The following PCDH11Y variants were observed in gnomAD, a reference collection of about 807,000 sequenced individuals.
PCDH11Y encodes the protein protocadherin 11 Y-linked.
For synonymous variants in PCDH11Y, 9 were observed against 83.6 expected, an observed-to-expected ratio of 0.11 and a Z score of 4.87; for missense variants, 12 against 224.8, an observed-to-expected ratio of 0.05 and a Z score of 6.05.
chrY:5,208,201 C>G, intron 2 of PCDH11Y: 2 of 101,807 alleles, frequency 2.0e-5, no homozygotes, highest in Admixed American at 3.1e-4. Flanking sequence ...TCTCAGGAGA[C>G]CCATTCACTG....
intron 2 of PCDH11Y, among the ~76,000 whole-genome samples, chrY:5,118,624 T>C (rs1602870954): frequency 6.4e-5 from 1 of 15,528 alleles, no homozygotes; most frequent in East Asian, 1.7e-3. Context: ...CTTTATGAGA[T>C]TTATTGTTTT....
At chrY:5,170,298 C>T in intron 2 of PCDH11Y, among the ~76,000 whole-genome samples, 3 of 28,127 alleles carry the variant, frequency 1.1e-4, no homozygotes, top group Non-Finnish European at 2.5e-4. Flanking sequence ...CAAAATTCGT[C>T]CATACTTATA....
chrY:5,131,255 A>G, intron 2 of PCDH11Y, among the ~76,000 whole-genome samples: 1 of 33,053 alleles, frequency 3.0e-5, no homozygotes, highest in South Asian at 7.0e-4. Flanking sequence ...TGTATCCATT[A>G]AAGTGGAGTC....
chrY:5,346,671 A>C, intron 2 of PCDH11Y, among the ~76,000 whole-genome samples: 2 of 31,748 alleles, frequency 6.3e-5, no homozygotes, highest in Non-Finnish European at 1.5e-4. Flanking sequence ...TAATTTTTGC[A>C]TTTTTGGTAG....
Position 5,661,121 on chromosome Y carries a change from C to T in PCDH11Y, c.3353-76151C>T. Among the ~76,000 whole-genome samples, 3 of 32,031 alleles carry T rather than the reference C, an allele frequency of 9.4e-5. No homozygotes were observed. The East Asian group carries it at 2.5e-3, about 26-fold the overall frequency. The allele number at this position is 32,031 out of a possible 37,273, so 85.9% of individuals were successfully genotyped here. A position where few individuals can be genotyped will look rare whatever the true frequency, so the allele number is the denominator to read the frequency against. On this transcript the variant is annotated intron_variant, in intron 4 of 4. Transcript: ENST00000400457. Reference sequence around the variant, plus strand: ...GGTGGAGGTTGCAGTGAGCCAAGATCGTGCCACTGCACTCCAGCCTGGGTG... The same window carrying T: ...GGTGGAGGTTGCAGTGAGCCAAGATTGTGCCACTGCACTCCAGCCTGGGTG...
chrY:5,627,488 G>A (rs2053508516), intron 4 of PCDH11Y, among the ~76,000 whole-genome samples: 2 of 26,950 alleles, frequency 7.4e-5, no homozygotes, highest in African/African-American at 3.0e-4. Flanking sequence ...TGCAACCTCT[G>A]CCTCCTGGGT....
At chrY:5,580,331 C>T in intron 3 of PCDH11Y, among the ~76,000 whole-genome samples, 1 of 31,222 alleles carries the variant, frequency 3.2e-5, no homozygotes, top group South Asian at 7.0e-4. Flanking sequence ...CTCTAGACAA[C>T]ACTGAAATTG....
intron 4 of PCDH11Y, among the ~76,000 whole-genome samples, chrY:5,676,704 T>A (rs1602958860): frequency 3.1e-5 from 1 of 32,631 alleles, no homozygotes; most frequent in Non-Finnish European, 7.5e-5. Flanking sequence ...ACCCAAGAAA[T>A]TTTTTTTCTC....
At chrY:5,670,033 A>G (rs2053547771) in intron 4 of PCDH11Y, among the ~76,000 whole-genome samples, 1 of 30,629 alleles carries the variant, frequency 3.3e-5, no homozygotes, top group Non-Finnish European at 8.0e-5. Flanking sequence ...TGATTTTTAG[A>G]TCCCACAAAT....
chrY:5,454,415 G>A, intron 2 of PCDH11Y, among the ~76,000 whole-genome samples: 1 of 33,182 alleles, frequency 3.0e-5, no homozygotes, highest in Non-Finnish European at 7.5e-5. Flanking sequence ...TGAGCTCTCA[G>A]TGGATGACAG....
chrY:5,109,637 G>C, downstream of PCDH11Y, among the ~76,000 whole-genome samples: 1 of 32,646 alleles, frequency 3.1e-5, no homozygotes, highest in Admixed American at 2.8e-4. Flanking sequence ...TTAGTTGATA[G>C]TGTAATACAG....
chrY:5,484,867 A>G (rs2124686187), intron 2 of PCDH11Y, among the ~76,000 whole-genome samples: 2 of 33,343 alleles, frequency 6.0e-5, no homozygotes, highest in African/African-American at 2.3e-4. Flanking sequence ...GTGACTAAGA[A>G]GATAAGGTTG....
chrY:5,371,748 A>G (rs2124673192), intron 2 of PCDH11Y, among the ~76,000 whole-genome samples: 1 of 32,141 alleles, frequency 3.1e-5, no homozygotes, highest in Admixed American at 2.9e-4. Context: ...AAATGCAAAC[A>G]TTAGCCAGGT....
At chrY:5,687,518 G>T (rs2053564467) in intron 4 of PCDH11Y, among the ~76,000 whole-genome samples, 1 of 30,287 alleles carries the variant, frequency 3.3e-5, no homozygotes, top group African/African-American at 1.3e-4. Flanking sequence ...GCAGGAGAAC[G>T]GCGTGAACGT....
At position 5,652,530 on chromosome Y, in the gene PCDH11Y, GA is replaced by G. The variant is rs1420216048; in HGVS notation, c.3352+70743del. Among the ~76,000 whole-genome samples, 23 of 28,342 alleles carry G rather than the reference GA, an allele frequency of 8.1e-4. No homozygotes were observed. In the East Asian group the frequency reaches 9.3e-3, roughly 12 times the overall value. 76.0% of individuals were successfully genotyped at this position (28,342 alleles called of 37,273 possible). A position where few individuals can be genotyped will look rare whatever the true frequency, so the allele number is the denominator to read the frequency against. Reference sequence around the variant, plus strand: ...TTGAGGTCTACCAGAGGACAAACTAGAAAAAAAAAAATGTCCTACTTAACAT... The same window carrying G: ...TTGAGGTCTACCAGAGGACAAACTAGAAAAAAAAAATGTCCTACTTAACAT... On this transcript the variant is annotated intron_variant, in intron 4 of 4. Transcript: ENST00000400457.
intron 2 of PCDH11Y, among the ~76,000 whole-genome samples, chrY:5,244,505 G>A (rs1602892627): frequency 1.4e-3 from 46 of 33,448 alleles, no homozygotes; most frequent in Non-Finnish European, 6.7e-4. Context: ...GTGGTTTGAC[G>A]GCCCACCCAA....
intron 4 of PCDH11Y, among the ~76,000 whole-genome samples, chrY:5,686,918 C>A (rs2053563751): frequency 3.1e-5 from 1 of 31,848 alleles, no homozygotes; most frequent in Admixed American, 2.9e-4. Context: ...CAGCTTTTGC[C>A]CATTCAGTAT....
intron 2 of PCDH11Y, chrY:5,207,742 T>A: frequency 4.6e-6 from 1 of 216,543 alleles, no homozygotes; most frequent in African/African-American, 8.5e-5. Context: ...AGCATCTTTT[T>A]TCCCCCAGTC....
At chrY:5,598,968 G>A in intron 4 of PCDH11Y, among the ~76,000 whole-genome samples, 1 of 32,418 alleles carries the variant, frequency 3.1e-5, no homozygotes, top group African/African-American at 1.2e-4. Flanking sequence ...CGGTGAGTCT[G>A]AGCATTAATT....
Sources: allele counts gnomAD v4.1 joint callset (sites outside exome capture counted in the v4.1 genomes callset), GRCh38; gene constraint gnomAD v4.1.1; transcripts MANE v1.5; gene names NCBI Gene and HGNC (gene_info 2026-07-23, HGNC 2026-07-21).